Variants in DCC observed in about 807,000 individuals in gnomAD.
DCC encodes the protein netrin receptor DCC.
A neutral mutation model predicts 172.5 loss-of-function variants in DCC; 58 were observed. The ratio of observed to expected loss-of-function variants is 0.34; its 90% CI spans 0.27 to 0.42. The LOEUF (loss-of-function observed/expected upper bound fraction) is 0.42, where lower values mean the gene tolerates loss of function less well. Ranked by LOEUF, DCC falls within the 10% of genes least tolerant of loss-of-function variation. The pLI is 1.00. For synonymous variants in DCC, 709 were observed against 644.5 expected (o/e 1.10, Z -1.52); for missense variants, 1,740 against 1,791.0 (o/e 0.97, Z 0.51).
chr18:52,636,863 A>T lies in DCC; in HGVS notation c.92-115191A>T, dbSNP rs144211984. Reference sequence around the variant, plus strand: ...AGCGCCACCTCCTGGCAGGAGGCCAACCAACACAAAAATAGAGCATTAAAC... The same window carrying T: ...AGCGCCACCTCCTGGCAGGAGGCCATCCAACACAAAAATAGAGCATTAAAC... On this transcript the variant is annotated intron_variant, in intron 1 of 28. Coordinates refer to ENST00000442544, the MANE Select transcript of DCC (RefSeq NM_005215.4). 4.2e-3 allele frequency among the ~76,000 whole-genome samples: 647 copies of T among 152,238 alleles called. 7 individuals carry two copies. Among genetic ancestry groups the T allele is most frequent in the African/African-American group, 0.015 (614 of 41,556 alleles).
intron 1 of DCC, among the ~76,000 whole-genome samples, chr18:52,434,364 G>A (rs1402237445): frequency 6.6e-6 from 1 of 152,110 alleles, no homozygotes; most frequent in Non-Finnish European, 1.5e-5. Context: ...ACACAGGGCA[G>A]CCCCCTGCAC....
At chr18:53,384,625 T>C (rs1242135618) in intron 15 of DCC, among the ~76,000 whole-genome samples, 1 of 152,148 alleles carries the variant, frequency 6.6e-6, no homozygotes, top group Non-Finnish European at 1.5e-5. Context: ...CCTTGAGTTA[T>C]GCCACCTCAT....
At chr18:53,089,712 C>T (rs554646307) in intron 7 of DCC, among the ~76,000 whole-genome samples, 11 of 152,196 alleles carry the variant, frequency 7.2e-5, no homozygotes, top group South Asian at 2.1e-4. Flanking sequence ...ATAGCCATAT[C>T]GTGGTTATAC....
chr18:52,704,639 T>C (rs2036176554), intron 1 of DCC, among the ~76,000 whole-genome samples: 2 of 152,210 alleles, frequency 1.3e-5, no homozygotes, highest in Admixed American at 6.6e-5. Context: ...CCTCTTGTTA[T>C]ACAAACAACC....
intron 23 of DCC, among the ~76,000 whole-genome samples, chr18:53,457,322 A>G (rs2045495154): frequency 6.6e-6 from 1 of 152,240 alleles, no homozygotes; most frequent in Non-Finnish European, 1.5e-5. Flanking sequence ...AAATAAATGA[A>G]TAAGTGAAAA....
intron 3 of DCC, among the ~76,000 whole-genome samples, chr18:52,908,742 T>C (rs1211276306): frequency 6.6e-6 from 1 of 152,328 alleles, no homozygotes. Context: ...TTGCCTAAAA[T>C]AGAGAACATG....
At chr18:52,399,895 G>A (rs1191719128) in intron 1 of DCC, among the ~76,000 whole-genome samples, 1 of 151,808 alleles carries the variant, frequency 6.6e-6, no homozygotes, top group Non-Finnish European at 1.5e-5. Context: ...CTATATATTT[G>A]TACAATTAAT....
chr18:53,261,832 G>A (rs1174197788), intron 12 of DCC, among the ~76,000 whole-genome samples: 1 of 152,216 alleles, frequency 6.6e-6, no homozygotes, highest in South Asian at 2.1e-4. Context: ...CTGCCTCTGG[G>A]ATGGTATCAC....
At chr18:53,209,639 C>T (rs971004097) in intron 11 of DCC, among the ~76,000 whole-genome samples, 3 of 152,242 alleles carry the variant, frequency 2.0e-5, no homozygotes, top group East Asian at 1.9e-4. Flanking sequence ...GTATTTTATA[C>T]GTAATACCAC....
intron 3 of DCC, among the ~76,000 whole-genome samples, chr18:52,920,121 G>A (rs1489180537): frequency 1.3e-5 from 2 of 151,610 alleles, no homozygotes; most frequent in African/African-American, 4.8e-5. Context: ...AACTTCTAGA[G>A]GATAATGTAG....
chr18:53,126,672 C>A (rs1009742608), intron 7 of DCC, among the ~76,000 whole-genome samples: 4 of 152,124 alleles, frequency 2.6e-5, no homozygotes, highest in Non-Finnish European at 4.4e-5. Context: ...ATACGTATCA[C>A]TGAAAACTGT....
chr18:53,488,624 T>C (rs1425166596), intron 26 of DCC, among the ~76,000 whole-genome samples: 2 of 152,184 alleles, frequency 1.3e-5, no homozygotes, highest in African/African-American at 4.8e-5. Flanking sequence ...TGTGAAACTC[T>C]CTCTTATTGA....
At chr18:53,179,895 A>G (rs1040680127) in intron 9 of DCC, among the ~76,000 whole-genome samples, 1 of 152,258 alleles carries the variant, frequency 6.6e-6, no homozygotes, top group Non-Finnish European at 1.5e-5. Flanking sequence ...TTTAAAATCA[A>G]AATGAAATGC....
intron 1 of DCC, among the ~76,000 whole-genome samples, chr18:52,710,194 A>G (rs2036272805): frequency 6.6e-6 from 1 of 152,260 alleles, no homozygotes; most frequent in African/African-American, 2.4e-5. Flanking sequence ...CTATATTGCC[A>G]TCCATATGGA....
At chr18:52,547,561 ACT>A (rs2032651375) in intron 1 of DCC, among the ~76,000 whole-genome samples, 1 of 152,070 alleles carries the variant, frequency 6.6e-6, no homozygotes, top group African/African-American at 2.4e-5. Flanking sequence ...TACATAAATA[ACT>A]CTATATACCA....
At chr18:52,566,950 C>A (rs1426356130) in intron 1 of DCC, among the ~76,000 whole-genome samples, 1 of 152,012 alleles carries the variant, frequency 6.6e-6, no homozygotes, top group Non-Finnish European at 1.5e-5. Context: ...ATGCCTAAAC[C>A]CATGTAATAG....
intron 2 of DCC, among the ~76,000 whole-genome samples, chr18:52,875,107 G>A (rs1046237404): frequency 2.6e-5 from 4 of 152,038 alleles, no homozygotes; most frequent in East Asian, 1.9e-4. Context: ...TGTTCCAGGC[G>A]AGGTCCTTTG....
chr18:53,123,871 G>A (rs2043518344), intron 7 of DCC, among the ~76,000 whole-genome samples: 1 of 152,064 alleles, frequency 6.6e-6, no homozygotes, highest in East Asian at 1.9e-4. Context: ...TTCTTGGCTG[G>A]AATTAAGTCC....
chr18:52,588,525 C>T (rs2144791684), intron 1 of DCC, among the ~76,000 whole-genome samples: 1 of 152,306 alleles, frequency 6.6e-6, no homozygotes, highest in African/African-American at 2.4e-5. Context: ...TTCTTATAGA[C>T]TAGTCAGGAA....
Sources: gnomAD v4.1 joint callset for allele counts (sites outside exome capture counted in the v4.1 genomes callset) on GRCh38, gnomAD v4.1.1 for gene constraint, MANE v1.5 for transcripts, NCBI Gene and HGNC (gene_info 2026-07-23, HGNC 2026-07-21) for gene names.